Variants in HPS3 observed in about 807,000 individuals in gnomAD.
HPS3 encodes BLOC-2 complex member HPS3.
A neutral mutation model predicts 110.9 loss-of-function variants in HPS3; 79 were observed. The ratio of observed to expected loss-of-function variants is 0.71; its 90% CI spans 0.59 to 0.86. The LOEUF (loss-of-function observed/expected upper bound fraction) is 0.86, where lower values mean the gene tolerates loss of function less well. HPS3 is among the 40% of genes least tolerant of loss of function. The probability of loss-of-function intolerance (pLI) is 0.00; values close to 1 mark genes in which losing one functional copy is unlikely to be tolerated. For synonymous variants in HPS3, 428 were observed against 451.0 expected (o/e 0.95, Z 0.65); for missense variants, 1,197 against 1,206.2 (o/e 0.99, Z 0.11).
At chr3:149,132,950 T>C (rs1338967812) in intron 1 of HPS3, among the ~76,000 whole-genome samples, 1 of 152,176 alleles carries the variant, frequency 6.6e-6, no homozygotes, top group Non-Finnish European at 1.5e-5. Context: ...AAAGCTAGAA[T>C]TGGAAGTGGA....
chr3:149,167,774 G>A, intron 15 of HPS3, 119 bp from the exon 16 acceptor site: 1 of 721,698 alleles, frequency 1.4e-6, no homozygotes, highest in Non-Finnish European at 2.6e-6. Flanking sequence ...AAAGTTAGCT[G>A]CCTTAGACAA....
At position 149,162,447 on chromosome 3, in the gene HPS3, A is replaced by G. The variant is rs540784239; in HGVS notation, c.2292+114A>G. The G allele has an allele frequency of 4.0e-6, 4 of 998,100 alleles. No individual in the cohort carries two copies. The African/African-American group carries it at 4.8e-5, about 12-fold the overall frequency. The allele number at this position is 998,100 out of a possible 1,614,324, so 61.8% of individuals were successfully genotyped here. On this transcript the variant is annotated intron_variant, in intron 12 of 16. Transcript: ENST00000296051. ...TTGTTTGTTTATTGAAAAAACAGACATACATAATCAGTTTATAAGATAAAA... is the reference window on the plus strand; with the variant it reads ...TTGTTTGTTTATTGAAAAAACAGACGTACATAATCAGTTTATAAGATAAAA...
At chr3:149,165,520 C>T (rs1267048596) in intron 14 of HPS3, among the ~76,000 whole-genome samples, 2 of 151,880 alleles carry the variant, frequency 1.3e-5, no homozygotes, top group Non-Finnish European at 2.9e-5. Context: ...ACTCTATTGC[C>T]CAGATTGGAG....
chr3:149,130,429 A>G (rs1409312823), intron 1 of HPS3: 2 of 163,472 alleles, frequency 1.2e-5, no homozygotes, highest in Admixed American at 1.1e-4. Context: ...GAAAGCTCAC[A>G]TTATGTGTTG....
intron 4 of HPS3, among the ~76,000 whole-genome samples, chr3:149,144,244 A>T (rs13081868): frequency 0.045 from 6,760 of 149,808 alleles, 224 homozygotes; most frequent in African/African-American, 0.084. Flanking sequence ...TTAGCCAGGC[A>T]TGGTGGTGGG....
At chr3:149,132,945 T>A (rs1721863881) in intron 1 of HPS3, among the ~76,000 whole-genome samples, 1 of 152,178 alleles carries the variant, frequency 6.6e-6, no homozygotes, top group African/African-American at 2.4e-5. Flanking sequence ...GCAAGAAAGC[T>A]AGAATTGGAA....
rs1377345911 is a variant in HPS3 at position 149,172,353 on chromosome 3, C to CAT, written c.*132_*133insTA. The CAT allele has an allele frequency of 1.4e-5, 10 of 691,378 alleles. No individual in the cohort carries two copies. Among genetic ancestry groups the CAT allele is most frequent in the Non-Finnish European group, 2.5e-5 (10 of 400,202 alleles). 42.8% of individuals were successfully genotyped at this position (691,378 alleles called of 1,614,324 possible). On this transcript the variant is annotated 3_prime_UTR_variant, in exon 17 of 17. Transcript: ENST00000296051. ...ACACACACACACACACACACACACACACATATATGATACAAATGCTTTCAG... is the reference window on the plus strand; with the variant it reads ...ACACACACACACACACACACACACACATACATATATGATACAAATGCTTTCAG...
At chr3:149,130,008 C>G in intron 1 of HPS3, 68 bp downstream of exon 1, 1 of 1,408,084 alleles carries the variant, frequency 7.1e-7, no homozygotes, top group Non-Finnish European at 9.7e-7. Flanking sequence ...GCGGACCGAA[C>G]GTCTGGGCTG....
intron 6 of HPS3, among the ~76,000 whole-genome samples, chr3:149,152,039 G>T (rs1362479848): frequency 6.6e-6 from 1 of 152,094 alleles, no homozygotes; most frequent in Non-Finnish European, 1.5e-5. Flanking sequence ...TTAATGGCCT[G>T]CCTGTGGTTT....
At chr3:149,130,128 C>T (rs1721668524) in intron 1 of HPS3, 188 bp downstream of exon 1, 1 of 614,262 alleles carries the variant, frequency 1.6e-6, no homozygotes, top group Non-Finnish European at 2.9e-6. Context: ...GTTGTCGCGG[C>T]AAGCATAGGT....
chr3:149,169,409 CA>C (rs1417101214), intron 16 of HPS3, among the ~76,000 whole-genome samples: 1 of 152,148 alleles, frequency 6.6e-6, no homozygotes, highest in African/African-American at 2.4e-5. Context: ...AGGACTGAAT[CA>C]AAAGTTAAAT....
chr3:149,159,922 C>T (rs1723683612), intron 10 of HPS3, 124 bp from the exon 11 acceptor site: 1 of 727,546 alleles, frequency 1.4e-6, no homozygotes, highest in African/African-American at 1.8e-5. Flanking sequence ...AAACATAATA[C>T]TATAATTTTA....
intron 16 of HPS3, among the ~76,000 whole-genome samples, chr3:149,169,108 A>C (rs185242958): frequency 6.6e-6 from 1 of 151,898 alleles, no homozygotes; most frequent in African/African-American, 2.4e-5. Context: ...ATTAGACTGT[A>C]ATACCTCAAG....
chr3:149,139,804 A>C (rs769632570), intron 1 of HPS3, among the ~76,000 whole-genome samples, 200 bp from the exon 2 acceptor site: 2 of 152,200 alleles, frequency 1.3e-5, no homozygotes, highest in African/African-American at 4.8e-5. Context: ...AGACACTCAG[A>C]TGGGAGAGAT....
chr3:149,133,628 C>G (rs1227727777), intron 1 of HPS3, among the ~76,000 whole-genome samples: 1 of 152,134 alleles, frequency 6.6e-6, no homozygotes, highest in Admixed American at 6.5e-5. Context: ...GGATTTGCCA[C>G]AGCCACCCCA....
rs1178729691 is a variant in HPS3, at chr3:149,163,966, C to G, written c.2589+17C>G. 6.6e-6 allele frequency: 8 copies of G among 1,203,734 alleles called. No individual in the cohort carries two copies. In the African/African-American group the frequency reaches 1.2e-4, roughly 18 times the overall value. The allele number at this position is 1,203,734 out of a possible 1,614,324, so 74.6% of individuals were successfully genotyped here. On this transcript the variant is annotated intron_variant, in intron 14 of 16. Coordinates refer to ENST00000296051, the MANE Select transcript of HPS3 (RefSeq NM_032383.5). ...AAATTACAGGTAAGTAAAAATACCT[C>G]CTTTTCTTATGAAATTGCATATTAC...
intron 10 of HPS3, among the ~76,000 whole-genome samples, chr3:149,159,619 T>C (rs543321566): frequency 1.3e-5 from 2 of 152,270 alleles, no homozygotes; most frequent in East Asian, 1.9e-4. Context: ...TGGATGCAAA[T>C]ATGCCACATT....
At chr3:149,161,808 C>T (rs984900281) in intron 11 of HPS3, among the ~76,000 whole-genome samples, 2 of 152,296 alleles carry the variant, frequency 1.3e-5, no homozygotes, top group South Asian at 4.1e-4. Context: ...CTGCACTCAG[C>T]CATCCCGAAT....
Position 149,167,975 on chromosome 3 carries a change from C to A in HPS3, c.2879C>A (p.Ser960Ter). The A allele has an allele frequency of 1.3e-6, 2 of 1,533,776 alleles. No individual in the cohort carries two copies. Among genetic ancestry groups the A allele is most frequent in the Non-Finnish European group, 1.8e-6 (2 of 1,112,290 alleles). The stretch of plus-strand genomic sequence containing the variant: ...GAGAAGTATCAACTCTACCTGTCAT[C>A]ATTAAAAGGTAAAATGATTTTTTTT... ...GGEKYQLYLS[S>*]LKETLSIVAV... The change falls in exon 16 of 17, where the codon TCA (serine) becomes TAA (stop). Residue 960 changes from serine (S) to a stop codon, truncating the protein, a stop_gained. Transcript: ENST00000296051. LOFTEE classifies it high-confidence loss of function.
Sources: gnomAD v4.1 joint callset for allele counts (sites outside exome capture counted in the v4.1 genomes callset) on GRCh38, gnomAD v4.1.1 for gene constraint, MANE v1.5 for transcripts, NCBI Gene and HGNC (gene_info 2026-07-23, HGNC 2026-07-21) for gene names.